CNTN3: variants seen among roughly 807,000 people sequenced by gnomAD.
The protein encoded by CNTN3 is contactin-3.
CNTN3 carries 60 observed loss-of-function variants against 119.1 expected under a neutral mutation model. That is an observed-to-expected ratio of 0.50 (90% confidence interval 0.41 to 0.62). The LOEUF is 0.62. CNTN3 is among the 20% of genes least tolerant of loss of function. The pLI is 0.00. For missense variants in CNTN3, 1,101 were observed against 1,242.4 expected (o/e 0.89, Z 1.71); for synonymous variants, 450 against 438.7 (o/e 1.03, Z -0.32).
At chr3:74,358,956 C>A (rs1704013205) in intron 11 of CNTN3, among the ~76,000 whole-genome samples, 1 of 151,896 alleles carries the variant, frequency 6.6e-6, no homozygotes, top group Admixed American at 6.6e-5. Flanking sequence ...TTTTTTATGG[C>A]TGCATAGTAT....
rs369492129 is a variant in CNTN3 at position 74,594,650 on chromosome 3, T to G, written c.-81+19741A>C. ...CTCATCATTTTTTATGGCTGCATAG[T>G]ATCCCATGGTGTATATGTGCCACAT... is the stretch of plus-strand genomic sequence containing the variant. On this transcript the variant is annotated intron_variant, in intron 1 of 22. Transcript: ENST00000263665. Among the ~76,000 whole-genome samples, 68 of 152,304 alleles carry G rather than the reference T, an allele frequency of 4.5e-4. No individual in the cohort carries two copies. In the East Asian group the frequency reaches 0.01, roughly 22 times the overall value.
At chr3:74,506,461 T>C (rs1703261150) in intron 2 of CNTN3, among the ~76,000 whole-genome samples, 1 of 152,160 alleles carries the variant, frequency 6.6e-6, no homozygotes, top group African/African-American at 2.4e-5. Flanking sequence ...TGGGAGGAGA[T>C]GGGTTGGAGT....
In CNTN3 at chr3:74,355,707, G is replaced by A. The variant is rs990826815; in HGVS notation, c.1364+6183C>T. ...TGGCCTCAAATGATCGACGTGCCTC[G>A]GCCTCCCAAAGTGCAGGGATTACAA... On this transcript the variant is annotated intron_variant, in intron 11 of 22. Coordinates refer to ENST00000263665, the MANE Select transcript of CNTN3 (RefSeq NM_020872.3). Among the ~76,000 whole-genome samples, 76 of 151,990 alleles carry A rather than the reference G, an allele frequency of 5.0e-4. 1 individual carries two copies. Among genetic ancestry groups the A allele is most frequent in the Admixed American group, 3.3e-4 (5 of 15,270 alleles).
At chr3:74,459,639 C>T (rs961412034) in intron 4 of CNTN3, among the ~76,000 whole-genome samples, 4 of 151,850 alleles carry the variant, frequency 2.6e-5, no homozygotes, top group African/African-American at 9.7e-5. Context: ...ACATGCTGTG[C>T]CCTCTGCTGA....
chr3:74,479,466 C>T (rs1386183328), intron 4 of CNTN3, among the ~76,000 whole-genome samples: 4 of 152,040 alleles, frequency 2.6e-5, no homozygotes, highest in Non-Finnish European at 4.4e-5. Flanking sequence ...GTTAGCAAGG[C>T]GAAGTATCTT....
At chr3:74,500,379 A>G (rs1703145698) in intron 2 of CNTN3, among the ~76,000 whole-genome samples, 2 of 150,438 alleles carry the variant, frequency 1.3e-5, no homozygotes, top group Admixed American at 6.6e-5. Context: ...CCACATAGAG[A>G]AAAAAAAACA....
chr3:74,459,680 C>A (rs1449543415), intron 4 of CNTN3, among the ~76,000 whole-genome samples: 1 of 151,940 alleles, frequency 6.6e-6, no homozygotes, highest in Non-Finnish European at 1.5e-5. Context: ...TTATTTTCCT[C>A]CTCACCTCCT....
At chr3:74,479,539 G>A (rs1274302695) in intron 4 of CNTN3, among the ~76,000 whole-genome samples, 2 of 152,208 alleles carry the variant, frequency 1.3e-5, no homozygotes, top group East Asian at 3.9e-4. Flanking sequence ...TAAGTCTCTC[G>A]ATTGAGTATG....
intron 1 of CNTN3, among the ~76,000 whole-genome samples, chr3:74,526,460 A>G (rs183967650): frequency 1.3e-5 from 2 of 151,956 alleles, no homozygotes; most frequent in Admixed American, 6.6e-5. Flanking sequence ...TTGTTCATTC[A>G]TAGTCACTCA....
chr3:74,587,722 G>C (rs1054920010), intron 1 of CNTN3, among the ~76,000 whole-genome samples: 18 of 151,910 alleles, frequency 1.2e-4, no homozygotes, highest in African/African-American at 3.6e-4. Flanking sequence ...TCTAGATATA[G>C]AATCATGTCA....
At chr3:74,465,825 A>G (rs4077367) in intron 4 of CNTN3, among the ~76,000 whole-genome samples, 9,653 of 152,220 alleles carry the variant, frequency 0.063, 429 homozygotes, top group South Asian at 0.15. Context: ...TGAACCCTGA[A>G]GGAGAAGCAA....
chr3:74,366,733 TAA>T (rs1488402109), intron 8 of CNTN3, among the ~76,000 whole-genome samples: 18 of 147,674 alleles, frequency 1.2e-4, no homozygotes, highest in Middle Eastern at 3.5e-3. Flanking sequence ...TGTATTCATC[TAA>T]GTTTTCTCTT....
chr3:74,498,306 A>G (rs981003133), intron 3 of CNTN3, among the ~76,000 whole-genome samples: 6 of 151,896 alleles, frequency 4.0e-5, no homozygotes, highest in African/African-American at 1.4e-4. Context: ...CTTTCCCCAT[A>G]AGAAGAAAAT....
intron 19 of CNTN3, among the ~76,000 whole-genome samples, chr3:74,287,461 T>C (rs927250998): frequency 3.3e-5 from 5 of 152,236 alleles, no homozygotes; most frequent in African/African-American, 1.2e-4. Context: ...ATAGGTATTA[T>C]ATCAGAAATA....
At chr3:74,447,859 T>A (rs923764684) in intron 4 of CNTN3, among the ~76,000 whole-genome samples, 1 of 152,134 alleles carries the variant, frequency 6.6e-6, no homozygotes, top group East Asian at 1.9e-4. Flanking sequence ...ACATGAACCA[T>A]TTTTAAATAA....
chr3:74,568,286 A>G (rs188307888), intron 1 of CNTN3, among the ~76,000 whole-genome samples: 1 of 152,354 alleles, frequency 6.6e-6, no homozygotes, highest in East Asian at 1.9e-4. Flanking sequence ...ATGTATGCAC[A>G]TGAATGTCAG....
At position 74,264,507 on chromosome 3, in the gene CNTN3, A is replaced by G; in HGVS notation, c.2987-6T>C. ...GGATCCTCTTGCATCCATACCTGTC[A>G]AAGTTGATGAAGAGCTCATTAATAA... On this transcript the variant is annotated splice_region_variant and splice_polypyrimidine_tract_variant and intron_variant, in intron 22 of 22. Transcript: ENST00000263665. The G allele has an allele frequency of 6.3e-7, 1 of 1,580,710 alleles. No individual in the cohort carries two copies. The highest frequency in any genetic ancestry group is 8.7e-7 in the Non-Finnish European group (1 of 1,151,746).
intron 1 of CNTN3, among the ~76,000 whole-genome samples, chr3:74,607,792 G>A (rs948059911): frequency 2.6e-5 from 4 of 152,178 alleles, no homozygotes; most frequent in Non-Finnish European, 5.9e-5. Flanking sequence ...TATCACATTA[G>A]TGTATGCTGA....
At chr3:74,593,966 TAA>T (rs1004725493) in intron 1 of CNTN3, among the ~76,000 whole-genome samples, 7 of 151,894 alleles carry the variant, frequency 4.6e-5, no homozygotes, top group African/African-American at 1.7e-4. Flanking sequence ...AGAAAAAATA[TAA>T]GACTTTGAAT....
Sources: allele counts gnomAD v4.1 joint callset (sites outside exome capture counted in the v4.1 genomes callset), GRCh38; gene constraint gnomAD v4.1.1; transcripts MANE v1.5; gene names NCBI Gene and HGNC (gene_info 2026-07-23, HGNC 2026-07-21).